The following LINC00305 variants were observed in gnomAD, a reference collection of about 807,000 sequenced individuals.
The protein encoded by LINC00305 is long independently transcribed non-coding RNA 305, also known as long intergenic non-protein coding RNA 305.
chr18:64,094,110 G>A (rs2051235650), intron 3 of LINC00305, among the ~76,000 whole-genome samples: 2 of 152,128 alleles, frequency 1.3e-5, no homozygotes, highest in Admixed American at 1.3e-4. Context: ...ATGGAGTCCA[G>A]GCATTTCATT....
intron 1 of LINC00305, among the ~76,000 whole-genome samples, chr18:64,128,768 C>T (rs979839444): frequency 1.3e-5 from 2 of 152,092 alleles, no homozygotes; most frequent in Non-Finnish European, 2.9e-5. Context: ...AAGTAACTCC[C>T]TTCCGGTCAA....
chr18:64,144,637 T>C (rs1386376308), intron 1 of LINC00305, among the ~76,000 whole-genome samples: 5 of 152,090 alleles, frequency 3.3e-5, no homozygotes, highest in Non-Finnish European at 7.4e-5. Context: ...GCCTCCTGAG[T>C]AGCTGGGATT....
chr18:64,111,302 C>T (rs959521285), intron 1 of LINC00305, among the ~76,000 whole-genome samples: 9 of 152,126 alleles, frequency 5.9e-5, no homozygotes, highest in African/African-American at 1.7e-4. Flanking sequence ...TAAGGCAGGG[C>T]ATTTTCATGA....
chr18:64,100,454 C>CA (rs1282182361), intron 1 of LINC00305, among the ~76,000 whole-genome samples: 1 of 152,112 alleles, frequency 6.6e-6, no homozygotes, highest in Non-Finnish European at 1.5e-5. Flanking sequence ...AGGGGCTTCC[C>CA]AGTACAACTC....
chr18:64,107,419 G>A (rs1290149935), intron 1 of LINC00305, among the ~76,000 whole-genome samples: 17 of 152,174 alleles, frequency 1.1e-4, no homozygotes, highest in African/African-American at 1.2e-4. Flanking sequence ...GCATAGTGTC[G>A]AGGAAAGAGA....
intron 1 of LINC00305, among the ~76,000 whole-genome samples, chr18:64,129,446 C>T (rs985967194): frequency 2.0e-5 from 3 of 152,088 alleles, no homozygotes; most frequent in Admixed American, 6.6e-5. Context: ...GTGCTAAGGG[C>T]CTTGGGTACC....
chr18:64,097,385 C>G (rs899253927), intron 3 of LINC00305, among the ~76,000 whole-genome samples: 2 of 151,978 alleles, frequency 1.3e-5, no homozygotes, highest in African/African-American at 4.8e-5. Flanking sequence ...ACAATATTTG[C>G]CACAAAAAGC....
intron 1 of LINC00305, among the ~76,000 whole-genome samples, chr18:64,132,787 A>AT (rs1395901562): frequency 6.6e-6 from 1 of 152,192 alleles, no homozygotes; most frequent in African/African-American, 2.4e-5. Context: ...TGCTGTGGGC[A>AT]TAGCAGTGCT....
rs139096879 is a variant in LINC00305 at position 64,092,282 on chromosome 18, G to A, written n.540+5552C>T. 8.2e-3 allele frequency among the ~76,000 whole-genome samples: 1,242 copies of A among 152,294 alleles called. 6 individuals carry two copies. The highest frequency in any genetic ancestry group is 0.013 in the Non-Finnish European group (876 of 68,032). On this transcript the variant is annotated intron_variant and non_coding_transcript_variant, in intron 3 of 3. Coordinates refer to ENST00000666468, the Ensembl canonical transcript of LINC00305. ...GGTTTGTAAAACATTTGCTGACTAG[G>A]CCAGGCATGGCGGCTCACGCCTGTA...
chr18:64,105,849 T>C lies in LINC00305; in HGVS notation n.315-7209A>G, dbSNP rs772747043. ...GTGAGAGAAGCATCACAATTTCCAG[T>C]AACTCACAGTTACTTTTACATCAAC... On this transcript the variant is annotated intron_variant and non_coding_transcript_variant, in intron 1 of 3. Coordinates refer to ENST00000666468, the Ensembl canonical transcript of LINC00305. Among the ~76,000 whole-genome samples, 4 of 152,338 alleles carry C rather than the reference T, an allele frequency of 2.6e-5. No individual in the cohort carries two copies. In the South Asian group the frequency reaches 6.2e-4, roughly 24 times the overall value.
chr18:64,081,565 T>C (rs549097086), intron 3 of LINC00305, among the ~76,000 whole-genome samples: 113 of 152,308 alleles, frequency 7.4e-4, no homozygotes, highest in Middle Eastern at 3.4e-3. Context: ...TAAAAATAAA[T>C]ATTTATTGTT....
At chr18:64,133,324 G>C (rs1241970786) in intron 1 of LINC00305, among the ~76,000 whole-genome samples, 1 of 152,200 alleles carries the variant, frequency 6.6e-6, no homozygotes, top group Non-Finnish European at 1.5e-5. Flanking sequence ...ACCCAGACCA[G>C]AGGTGGATGG....
chr18:64,148,265 T>A (rs2051507687), intron 1 of LINC00305, among the ~76,000 whole-genome samples: 1 of 152,136 alleles, frequency 6.6e-6, no homozygotes, highest in Non-Finnish European at 1.5e-5. Flanking sequence ...AGCCTCAGCA[T>A]CTGAACCTAT....
intron 1 of LINC00305, among the ~76,000 whole-genome samples, chr18:64,100,793 C>A (rs183064829): frequency 6.6e-6 from 1 of 152,120 alleles, no homozygotes; most frequent in Admixed American, 6.6e-5. Flanking sequence ...GAGGCAGTTG[C>A]CTGCTATGTT....
At chr18:64,084,224 T>C (rs938754479) in intron 3 of LINC00305, among the ~76,000 whole-genome samples, 1 of 152,240 alleles carries the variant, frequency 6.6e-6, no homozygotes, top group Admixed American at 6.5e-5. Context: ...GTATATGGCA[T>C]ATAGTATCAA....
chr18:64,088,528 CAG>C (rs1461870328), intron 3 of LINC00305, among the ~76,000 whole-genome samples: 6 of 152,230 alleles, frequency 3.9e-5, no homozygotes, highest in African/African-American at 1.4e-4. Flanking sequence ...TCCATGTTCA[CAG>C]AGTCAGTAAG....
chr18:64,095,952 C>T (rs2051243218), intron 3 of LINC00305, among the ~76,000 whole-genome samples: 1 of 151,900 alleles, frequency 6.6e-6, no homozygotes, highest in South Asian at 2.1e-4. Flanking sequence ...TTTCAATTTT[C>T]CCCATGAACA....
intron 1 of LINC00305, among the ~76,000 whole-genome samples, chr18:64,122,352 T>A (rs190391754): frequency 2.6e-5 from 4 of 152,242 alleles, no homozygotes; most frequent in South Asian, 2.1e-4. Context: ...CATCTTAAGT[T>A]GATTTTTGTA....
chr18:64,136,292 T>C (rs1430465922), intron 1 of LINC00305, among the ~76,000 whole-genome samples: 1 of 152,224 alleles, frequency 6.6e-6, no homozygotes, highest in African/African-American at 2.4e-5. Flanking sequence ...GTTGTATTAC[T>C]CTGTTCTCAT....
Sources: gnomAD v4.1 joint callset for allele counts (sites outside exome capture counted in the v4.1 genomes callset) on GRCh38, gnomAD v4.1.1 for gene constraint, MANE v1.5 for transcripts, NCBI Gene and HGNC (gene_info 2026-07-23, HGNC 2026-07-21) for gene names.